Variants in FAM227B observed in about 807,000 individuals in gnomAD.
FAM227B encodes family with sequence similarity 227 member B.
A neutral mutation model predicts 73.8 loss-of-function variants in FAM227B; 88 were observed. The ratio of observed to expected loss-of-function variants is 1.19; its 90% confidence interval spans 1.00 to 1.42. The LOEUF (loss-of-function observed/expected upper bound fraction) is 1.42, where lower values mean the gene tolerates loss of function less well. FAM227B is among the 40% of genes most tolerant of loss of function. The pLI, the probability that FAM227B is intolerant of heterozygous loss-of-function variation, is 0.00. For synonymous variants in FAM227B, 210 were observed against 190.5 expected (o/e 1.10, Z -0.84); for missense variants, 632 against 590.9 (o/e 1.07, Z -0.72).
At chr15:49,336,579 A>G (rs936850532) in intron 13 of FAM227B, among the ~76,000 whole-genome samples, 1 of 152,236 alleles carries the variant, frequency 6.6e-6, no homozygotes, top group African/African-American at 2.4e-5. Flanking sequence ...GCCCATTTTT[A>G]GAAAACTTTA....
At chr15:49,481,272 C>T (rs1352229042) in intron 11 of FAM227B, among the ~76,000 whole-genome samples, 1 of 152,168 alleles carries the variant, frequency 6.6e-6, no homozygotes, top group Non-Finnish European at 1.5e-5. Flanking sequence ...TTGCACCAAC[C>T]TAACTGATAC....
At chr15:49,344,443 A>G (rs2041174229) in intron 13 of FAM227B, among the ~76,000 whole-genome samples, 6 of 152,200 alleles carry the variant, frequency 3.9e-5, no homozygotes, top group Admixed American at 2.6e-4. Context: ...CTGGTAATAT[A>G]GCATGGTACT....
intron 3 of FAM227B, among the ~76,000 whole-genome samples, chr15:49,610,351 G>T (rs2077810039): frequency 6.8e-6 from 1 of 147,282 alleles, no homozygotes; most frequent in African/African-American, 2.5e-5. Flanking sequence ...TACACCATGT[G>T]ACTGAAGTAA....
At chr15:49,522,658 T>A (rs186051326) in intron 10 of FAM227B, among the ~76,000 whole-genome samples, 1 of 152,056 alleles carries the variant, frequency 6.6e-6, no homozygotes, top group African/African-American at 2.4e-5. Context: ...GCTTTAACAA[T>A]AGACTAGACC....
At chr15:49,435,045 G>A (rs1418976678) in intron 11 of FAM227B, among the ~76,000 whole-genome samples, 1 of 151,444 alleles carries the variant, frequency 6.6e-6, no homozygotes. Flanking sequence ...ATACAAAACA[G>A]TAATGTTCAT....
At chr15:49,611,110 A>T (rs750337697) in intron 3 of FAM227B, 105 bp downstream of exon 3, 6 of 668,138 alleles carry the variant, frequency 9.0e-6, no homozygotes. Flanking sequence ...ATTGAAACAT[A>T]TTTCTGAAAT....
intron 2 of FAM227B, 26 bp downstream of exon 2, chr15:49,615,095 A>G (rs369581519): frequency 1.2e-6 from 2 of 1,604,072 alleles, no homozygotes; most frequent in Non-Finnish European, 1.7e-6. Flanking sequence ...TTGTAAGTGA[A>G]CATAAAGCTG....
chr15:49,334,186 T>G, intron 14 of FAM227B: 1 of 895,468 alleles, frequency 1.1e-6, no homozygotes, highest in Non-Finnish European at 1.3e-6. Flanking sequence ...AAAGATGATC[T>G]TAAGCACTAC....
intron 10 of FAM227B, among the ~76,000 whole-genome samples, chr15:49,537,136 TG>T (rs1469639346): frequency 6.6e-6 from 1 of 152,218 alleles, no homozygotes; most frequent in East Asian, 1.9e-4. Context: ...TGGCAACCTA[TG>T]AATTAGGAAA....
chr15:49,373,840 C>A (rs2045992408), intron 11 of FAM227B, among the ~76,000 whole-genome samples: 1 of 151,546 alleles, frequency 6.6e-6, no homozygotes, highest in Non-Finnish European at 1.5e-5. Context: ...CAATAATTGA[C>A]TAAACTATAC....
At chr15:49,534,099 C>A (rs1480292509) in intron 10 of FAM227B, among the ~76,000 whole-genome samples, 1 of 151,760 alleles carries the variant, frequency 6.6e-6, no homozygotes, top group African/African-American at 2.4e-5. Context: ...TTACAACAGT[C>A]TATTTTGATA....
intron 5 of FAM227B, 69 bp downstream of exon 5, chr15:49,587,947 G>A (rs1193222841): frequency 7.8e-7 from 1 of 1,284,492 alleles, no homozygotes; most frequent in East Asian, 2.9e-5. Context: ...GCTCATCTGT[G>A]GAAATGTAGT....
At chr15:49,561,754 G>A (rs1303933068) in intron 9 of FAM227B, among the ~76,000 whole-genome samples, 1 of 151,984 alleles carries the variant, frequency 6.6e-6, no homozygotes, top group Non-Finnish European at 1.5e-5. Flanking sequence ...TAGTTTTTTG[G>A]TAAACAACTA....
At position 49,578,913 on chromosome 15, in the gene FAM227B, G is replaced by C. The variant is rs191869269; in HGVS notation, c.406-1249C>G. On this transcript the variant is annotated intron_variant, in intron 5 of 15. Coordinates refer to ENST00000299338, the MANE Select transcript of FAM227B (RefSeq NM_152647.3). ...TATTTGCAAACCATCTATTTAACAA[G>C]AGACAAATATCTAGAATATATTAGT... 5.3e-5 allele frequency among the ~76,000 whole-genome samples: 8 copies of C among 152,224 alleles called. No homozygotes were observed. The East Asian group carries it at 1.5e-3, about 29-fold the overall frequency.
chr15:49,346,190 A>G (rs890476327), intron 13 of FAM227B, among the ~76,000 whole-genome samples: 5 of 152,068 alleles, frequency 3.3e-5, no homozygotes, highest in Non-Finnish European at 5.9e-5. Flanking sequence ...AACTTGGGCC[A>G]GCTCCTGTCC....
chr15:49,386,156 G>C (rs1314752438), intron 11 of FAM227B, among the ~76,000 whole-genome samples: 1 of 151,582 alleles, frequency 6.6e-6, no homozygotes, highest in African/African-American at 2.4e-5. Context: ...TGAACTTAAA[G>C]ATATTTACAG....
Position 49,602,173 on chromosome 15 carries a change from C to CT in FAM227B, c.105+9041dup, listed in dbSNP as rs374004767. Reference sequence around the variant, plus strand: ...GGGTATACACTCAGCAGTGGGACTGCTAGATTGTATGGTAGCTCTATCTTT... The same window carrying CT: ...GGGTATACACTCAGCAGTGGGACTGCTTAGATTGTATGGTAGCTCTATCTTT... On this transcript the variant is annotated intron_variant, in intron 3 of 15. Coordinates refer to ENST00000299338, the MANE Select transcript of FAM227B (RefSeq NM_152647.3). Among the ~76,000 whole-genome samples, 301 of 152,248 alleles carry CT rather than the reference C, an allele frequency of 2.0e-3. 1 individual carries two copies. The highest frequency in any genetic ancestry group is 6.9e-3 in the African/African-American group (288 of 41,566).
intron 11 of FAM227B, among the ~76,000 whole-genome samples, chr15:49,397,116 G>A (rs936866743): frequency 1.3e-5 from 2 of 152,136 alleles, no homozygotes; most frequent in Non-Finnish European, 2.9e-5. Context: ...TTAGAAGAAT[G>A]TATAATTAGA....
At chr15:49,610,117 T>C (rs936673997) in intron 3 of FAM227B, among the ~76,000 whole-genome samples, 1 of 152,004 alleles carries the variant, frequency 6.6e-6, no homozygotes, top group Non-Finnish European at 1.5e-5. Flanking sequence ...ATAACATATT[T>C]ACTACTTCAA....
Sources: gnomAD v4.1 joint callset for allele counts (sites outside exome capture counted in the v4.1 genomes callset) on GRCh38, gnomAD v4.1.1 for gene constraint, MANE v1.5 for transcripts, NCBI Gene and HGNC (gene_info 2026-07-23, HGNC 2026-07-21) for gene names.